SDC2: variants seen among roughly 807,000 people sequenced by gnomAD.
SDC2 encodes syndecan-2.
SDC2 carries 13 observed loss-of-function variants against 22.2 expected under a neutral mutation model. That is an observed-to-expected ratio of 0.59 (90% CI 0.38 to 0.93). SDC2 has a LOEUF of 0.93. Ranked by LOEUF, SDC2 falls within the 40% of genes least tolerant of loss-of-function variation. SDC2 has a pLI of 0.00. For synonymous variants in SDC2, 94 were observed against 92.8 expected (o/e 1.01, Z -0.07); for missense variants, 235 against 246.8 (o/e 0.95, Z 0.32).
chr8:96,596,973 C>G (rs547972714), intron 2 of SDC2, among the ~76,000 whole-genome samples: 4 of 152,184 alleles, frequency 2.6e-5, no homozygotes, highest in Non-Finnish European at 5.9e-5. Context: ...ATGTTAAACT[C>G]AGGATGATTG....
intron 1 of SDC2, among the ~76,000 whole-genome samples, chr8:96,554,642 A>G (rs1173956421): frequency 6.6e-6 from 1 of 152,216 alleles, no homozygotes; most frequent in Non-Finnish European, 1.5e-5. Flanking sequence ...GAGATGGCTC[A>G]AGGATGTTGG....
At chr8:96,506,771 G>C (rs1813246438) in intron 1 of SDC2, among the ~76,000 whole-genome samples, 1 of 152,150 alleles carries the variant, frequency 6.6e-6, no homozygotes, top group African/African-American at 2.4e-5. Flanking sequence ...CAGCACTTTG[G>C]GAGGCTGAGG....
chr8:96,600,822 C>T (rs937546872), intron 2 of SDC2, among the ~76,000 whole-genome samples: 2 of 152,134 alleles, frequency 1.3e-5, no homozygotes, highest in Non-Finnish European at 2.9e-5. Flanking sequence ...ACCTTTGAGT[C>T]ATTCAAGTGA....
intron 1 of SDC2, among the ~76,000 whole-genome samples, chr8:96,586,010 AGAG>A (rs923800461): frequency 3.3e-5 from 5 of 152,296 alleles, no homozygotes; most frequent in Admixed American, 2.6e-4. Flanking sequence ...TTCAAACAAA[AGAG>A]GAGAATTTCT....
intron 1 of SDC2, among the ~76,000 whole-genome samples, chr8:96,567,365 G>C (rs576759799): frequency 3.0e-4 from 45 of 152,270 alleles, no homozygotes; most frequent in Non-Finnish European, 3.8e-4. Context: ...AAAATTTTTT[G>C]AATTTCAATA....
chr8:96,517,774 TG>T (rs1249727628), intron 1 of SDC2, among the ~76,000 whole-genome samples: 1 of 8,546 alleles, frequency 1.2e-4, no homozygotes, highest in Admixed American at 8.1e-4. Flanking sequence ...TGTGTGCATG[TG>T]TGTGTGTGTG....
intron 1 of SDC2, among the ~76,000 whole-genome samples, chr8:96,564,298 A>G (rs1327748376): frequency 6.6e-6 from 1 of 152,226 alleles, no homozygotes; most frequent in Non-Finnish European, 1.5e-5. Flanking sequence ...GATACATGTC[A>G]TCTGTCCAGG....
intron 1 of SDC2, among the ~76,000 whole-genome samples, chr8:96,516,534 TCACCCCCC>T (rs1181674506): frequency 1.4e-3 from 207 of 151,954 alleles, no homozygotes; most frequent in Non-Finnish European, 2.3e-3. Flanking sequence ...AATATTTTAA[TCACCCCCC>T]CACCTCAAAA....
intron 2 of SDC2, among the ~76,000 whole-genome samples, chr8:96,599,586 T>C (rs564271374): frequency 6.6e-6 from 1 of 152,340 alleles, no homozygotes; most frequent in African/African-American, 2.4e-5. Flanking sequence ...ATGTATCATG[T>C]CTGTTAGATA....
At chr8:96,590,995 C>T (rs1814771503) in intron 1 of SDC2, among the ~76,000 whole-genome samples, 1 of 152,170 alleles carries the variant, frequency 6.6e-6, no homozygotes, top group African/African-American at 2.4e-5. Context: ...GGCCTGACGG[C>T]TGTCCCAGGA....
intron 1 of SDC2, among the ~76,000 whole-genome samples, chr8:96,504,528 A>T (rs1428098516): frequency 6.6e-6 from 1 of 152,206 alleles, no homozygotes; most frequent in Admixed American, 6.5e-5. Flanking sequence ...TGAAACTGGG[A>T]TTAGAATATT....
At chr8:96,544,512 G>A (rs556559062) in intron 1 of SDC2, among the ~76,000 whole-genome samples, 5 of 152,208 alleles carry the variant, frequency 3.3e-5, no homozygotes, top group South Asian at 4.1e-4. Context: ...TCGTTCTAGC[G>A]ATCGCTCTTT....
At chr8:96,497,864 A>G (rs1219754012) in intron 1 of SDC2, among the ~76,000 whole-genome samples, 2 of 152,204 alleles carry the variant, frequency 1.3e-5, no homozygotes, top group Non-Finnish European at 2.9e-5. Context: ...CCAAAAATCA[A>G]ACTAAAAGAT....
intron 1 of SDC2, among the ~76,000 whole-genome samples, chr8:96,590,025 G>A (rs1421209332): frequency 6.6e-6 from 1 of 152,210 alleles, no homozygotes; most frequent in African/African-American, 2.4e-5. Context: ...CATCTATGGA[G>A]GCAGTGTAGT....
intron 1 of SDC2, among the ~76,000 whole-genome samples, chr8:96,564,271 G>A (rs1586302349): frequency 6.6e-6 from 1 of 152,296 alleles, no homozygotes; most frequent in Admixed American, 6.5e-5. Context: ...GAGGGGTGAG[G>A]AGTCACTGTG....
chr8:96,562,370 T>C (rs950985858), intron 1 of SDC2, among the ~76,000 whole-genome samples: 1 of 152,206 alleles, frequency 6.6e-6, no homozygotes, highest in African/African-American at 2.4e-5. Flanking sequence ...AGAGGTGGCA[T>C]CTTTCCCTGG....
At chr8:96,583,223 A>T (rs1814619929) in intron 1 of SDC2, among the ~76,000 whole-genome samples, 1 of 143,874 alleles carries the variant, frequency 7.0e-6, no homozygotes, top group Non-Finnish European at 1.5e-5. Context: ...AAGTGCTGGG[A>T]TTACAAGCAT....
At position 96,494,194 on chromosome 8, in the gene SDC2, T is replaced by A. The variant is rs924868825; in HGVS notation, c.-78T>A. On this transcript the variant is annotated 5_prime_UTR_variant, in exon 1 of 5. Transcript: ENST00000302190. ...CTGCTCCGGATTCGTGTGCGCGGGC[T>A]GCGCCGAGCGCTGGGCAGGAGGCTT... 1.1e-5 allele frequency: 15 copies of A among 1,426,682 alleles called. No individual in the cohort carries two copies. The African/African-American group carries it at 2.1e-4, about 20-fold the overall frequency. 88.4% of individuals were successfully genotyped at this position (1,426,682 alleles called of 1,614,324 possible).
At chr8:96,598,362 C>T (rs1369312828) in intron 2 of SDC2, among the ~76,000 whole-genome samples, 1 of 152,124 alleles carries the variant, frequency 6.6e-6, no homozygotes, top group African/African-American at 2.4e-5. Flanking sequence ...TGGGTTACGC[C>T]TGTAATCCCA....
Sources: gnomAD v4.1 joint callset for allele counts (sites outside exome capture counted in the v4.1 genomes callset) on GRCh38, gnomAD v4.1.1 for gene constraint, MANE v1.5 for transcripts, NCBI Gene and HGNC (gene_info 2026-07-23, HGNC 2026-07-21) for gene names.